TRABD2B: variants seen among roughly 807,000 people sequenced by gnomAD.
TRABD2B encodes TraB domain containing 2B, also known as metalloprotease TIKI2.
A neutral mutation model predicts 40.1 loss-of-function variants in TRABD2B; 14 were observed. The observed-to-expected ratio is 0.35, with a 90% CI of 0.23 to 0.55. The LOEUF is 0.55. TRABD2B is among the 20% of genes least tolerant of loss of function. TRABD2B has a pLI of 0.90. For missense variants in TRABD2B, 541 were observed against 648.6 expected, an observed-to-expected ratio of 0.83 and a Z score of 1.80; for synonymous variants, 263 against 277.0, an observed-to-expected ratio of 0.95 and a Z score of 0.50.
intron 2 of TRABD2B, among the ~76,000 whole-genome samples, chr1:47,930,964 A>G (rs966563274): frequency 8.5e-5 from 13 of 152,116 alleles, no homozygotes; most frequent in African/African-American, 2.7e-4. Flanking sequence ...GCCACCTTCA[A>G]TCTGTGACAC....
At chr1:47,983,540 C>T (rs1645872499) in intron 2 of TRABD2B, among the ~76,000 whole-genome samples, 2 of 151,976 alleles carry the variant, frequency 1.3e-5, no homozygotes, top group Non-Finnish European at 1.5e-5. Context: ...TTGTTATCAC[C>T]GAAGTCCCCA....
At chr1:47,893,724 G>C (rs541450760) in intron 2 of TRABD2B, among the ~76,000 whole-genome samples, 4 of 152,302 alleles carry the variant, frequency 2.6e-5, no homozygotes, top group Admixed American at 2.6e-4. Context: ...TACCTTCCTA[G>C]CGTTGTTCCA....
At chr1:47,911,471 G>C (rs1354843619) in intron 2 of TRABD2B, among the ~76,000 whole-genome samples, 1 of 152,234 alleles carries the variant, frequency 6.6e-6, no homozygotes, top group Non-Finnish European at 1.5e-5. Context: ...TTTCTCCTTA[G>C]ATAAAGAACA....
At chr1:47,938,922 T>C (rs1392692528) in intron 2 of TRABD2B, among the ~76,000 whole-genome samples, 1 of 101,894 alleles carries the variant, frequency 9.8e-6, no homozygotes, top group African/African-American at 4.0e-5. Context: ...AAAGTAAGAG[T>C]GTGTGCATGA....
At chr1:47,784,104 C>G (rs1644562505) in intron 4 of TRABD2B, among the ~76,000 whole-genome samples, 1 of 152,100 alleles carries the variant, frequency 6.6e-6, no homozygotes, top group African/African-American at 2.4e-5. Flanking sequence ...CTTGCAGCGG[C>G]CCTTTGAGGT....
intron 2 of TRABD2B, among the ~76,000 whole-genome samples, chr1:47,947,998 T>A (rs919594832): frequency 6.6e-6 from 1 of 152,118 alleles, no homozygotes; most frequent in Admixed American, 6.5e-5. Flanking sequence ...TGAAGCCAGA[T>A]AAGTACCCCA....
At chr1:47,836,534 T>C (rs1038378785) in intron 2 of TRABD2B, among the ~76,000 whole-genome samples, 7 of 152,266 alleles carry the variant, frequency 4.6e-5, no homozygotes, top group South Asian at 2.1e-4. Flanking sequence ...AGCAGAGTGC[T>C]TGGCATATAG....
chr1:47,782,100 T>C (rs1448896925), intron 4 of TRABD2B, among the ~76,000 whole-genome samples: 1 of 152,160 alleles, frequency 6.6e-6, no homozygotes. Flanking sequence ...GAATTGCCAC[T>C]TTTGCCCAGA....
chr1:47,771,340 G>A (rs1160496621), intron 6 of TRABD2B, among the ~76,000 whole-genome samples: 2 of 152,176 alleles, frequency 1.3e-5, no homozygotes, highest in Non-Finnish European at 2.9e-5. Context: ...CCTGCATGGT[G>A]GAACTCACCA....
chr1:47,985,340 G>A (rs919140959), intron 2 of TRABD2B, among the ~76,000 whole-genome samples: 1 of 152,248 alleles, frequency 6.6e-6, no homozygotes, highest in African/African-American at 2.4e-5. Flanking sequence ...AATAAGGGAG[G>A]TGGGAAGGAG....
At chr1:47,881,455 A>G (rs1270618122) in intron 2 of TRABD2B, among the ~76,000 whole-genome samples, 1 of 152,194 alleles carries the variant, frequency 6.6e-6, no homozygotes, top group Non-Finnish European at 1.5e-5. Context: ...AGAACTTGAC[A>G]TCCATTTTCC....
intron 2 of TRABD2B, among the ~76,000 whole-genome samples, chr1:47,888,545 T>G (rs1644404056): frequency 6.6e-6 from 1 of 152,184 alleles, no homozygotes; most frequent in Non-Finnish European, 1.5e-5. Context: ...TCTTCAGATC[T>G]CCTCTGAAAT....
At chr1:47,862,867 T>C (rs1384087731) in intron 2 of TRABD2B, among the ~76,000 whole-genome samples, 1 of 152,158 alleles carries the variant, frequency 6.6e-6, no homozygotes, top group Non-Finnish European at 1.5e-5. Flanking sequence ...CAGTGTGGTG[T>C]TGGTGAAAGA....
chr1:47,813,938 C>T lies in TRABD2B; in HGVS notation c.667-12319G>A, dbSNP rs1644997404. 6.6e-6 allele frequency among the ~76,000 whole-genome samples: 1 copy of T among 152,166 alleles called. No individual in the cohort carries two copies. ...GCAGGGTGGAGCAAGGGAGGAAGTT[C>T]CAGGAAGACTTGCGACAAGATCAAG... On this transcript the variant is annotated intron_variant, in intron 2 of 6. Transcript: ENST00000606738. The surrounding 1 kb of genome is among the most constrained non-coding windows in gnomAD (Gnocchi z 4.3).
At chr1:47,841,294 C>T (rs1177933219) in intron 2 of TRABD2B, among the ~76,000 whole-genome samples, 2 of 152,204 alleles carry the variant, frequency 1.3e-5, no homozygotes, top group Non-Finnish European at 2.9e-5. Flanking sequence ...CCTGTCTTGT[C>T]TCCTAAGGCA....
At chr1:47,944,923 G>C (rs1211939695) in intron 2 of TRABD2B, among the ~76,000 whole-genome samples, 1 of 152,156 alleles carries the variant, frequency 6.6e-6, no homozygotes, top group African/African-American at 2.4e-5. Flanking sequence ...ATAGAAAAAA[G>C]GGGGCTACAA....
chr1:47,988,478 A>G (rs532750259), intron 2 of TRABD2B, among the ~76,000 whole-genome samples: 1 of 152,316 alleles, frequency 6.6e-6, no homozygotes, highest in Non-Finnish European at 1.5e-5. Flanking sequence ...CAGAGGGAGA[A>G]GAGTCACAAT....
At chr1:47,814,520 T>C (rs1016068150) in intron 2 of TRABD2B, among the ~76,000 whole-genome samples, 1 of 152,164 alleles carries the variant, frequency 6.6e-6, no homozygotes, top group Non-Finnish European at 1.5e-5. Flanking sequence ...GAATTCCAAA[T>C]CTTTCCTGGC....
At chr1:47,938,688 G>A (rs1270118289) in intron 2 of TRABD2B, among the ~76,000 whole-genome samples, 1 of 152,148 alleles carries the variant, frequency 6.6e-6, no homozygotes, top group African/African-American at 2.4e-5. Context: ...GGAATCATGT[G>A]TCCCTGTCTA....
Sources: allele counts gnomAD v4.1 joint callset (sites outside exome capture counted in the v4.1 genomes callset), GRCh38; gene constraint gnomAD v4.1.1; non-coding constraint Gnocchi (gnomAD v3.1); transcripts MANE v1.5; gene names NCBI Gene and HGNC (gene_info 2026-07-23, HGNC 2026-07-21).